The following QTMAN variants were observed in gnomAD, a reference collection of about 807,000 sequenced individuals.
QTMAN encodes the protein tRNA-queuosine alpha-mannosyltransferase.
chr2:144,141,873 C>T, the QTMAN span: 1 of 1,583,482 alleles, frequency 6.3e-7, no homozygotes, highest in Non-Finnish European at 8.6e-7. Flanking sequence ...CAGAGTCAAA[C>T]ATACTGACCT....
chr2:144,104,299 C>A, the QTMAN span, among the ~76,000 whole-genome samples: 2 of 152,182 alleles, frequency 1.3e-5, no homozygotes, highest in African/African-American at 4.8e-5. Flanking sequence ...TGAGCCGAAG[C>A]AGGGCGAGGC....
the QTMAN span, among the ~76,000 whole-genome samples, chr2:144,114,496 T>C: frequency 4.6e-5 from 7 of 152,230 alleles, no homozygotes; most frequent in Non-Finnish European, 1.5e-5. Context: ...CAATATAAAC[T>C]GTAATTTAAT....
the QTMAN span, among the ~76,000 whole-genome samples, chr2:144,285,125 G>GA: frequency 2.0e-4 from 29 of 144,242 alleles, no homozygotes; most frequent in South Asian, 2.2e-4. Flanking sequence ...GAAAACAAAG[G>GA]AAAAAAAAAA....
the QTMAN span, among the ~76,000 whole-genome samples, chr2:144,116,283 T>A: frequency 8.2e-4 from 93 of 113,606 alleles, 1 homozygote; most frequent in Middle Eastern, 4.5e-3. Flanking sequence ...TATGAGATTT[T>A]TATGTGTGTG....
chr2:144,133,442 A>T, the QTMAN span, among the ~76,000 whole-genome samples: 1 of 59,822 alleles, frequency 1.7e-5, no homozygotes, highest in Non-Finnish European at 2.6e-5. Context: ...TATAATATAT[A>T]ATATATAATA....
At chr2:144,286,219 A>C in the QTMAN span, among the ~76,000 whole-genome samples, 3 of 152,200 alleles carry the variant, frequency 2.0e-5, no homozygotes, top group African/African-American at 7.2e-5. Context: ...TGTAGCAAAA[A>C]CAAATTATGC....
At chr2:144,090,962 A>C in the QTMAN span, among the ~76,000 whole-genome samples, 1 of 152,086 alleles carries the variant, frequency 6.6e-6, no homozygotes, top group Admixed American at 6.5e-5. Flanking sequence ...TAACTAGAAT[A>C]ATCATCATCA....
the QTMAN span, among the ~76,000 whole-genome samples, chr2:144,033,782 T>G: frequency 6.6e-6 from 1 of 152,142 alleles, no homozygotes; most frequent in East Asian, 1.9e-4. Flanking sequence ...TCAGGTGTGG[T>G]TGAAAGAGAC....
chr2:143,967,045 A>C, the QTMAN span, among the ~76,000 whole-genome samples: 3 of 152,172 alleles, frequency 2.0e-5, no homozygotes, highest in African/African-American at 7.2e-5. Flanking sequence ...TGTATGTGAA[A>C]GAGAAATGCT....
At chr2:144,014,976 C>T in the QTMAN span, among the ~76,000 whole-genome samples, 8 of 152,136 alleles carry the variant, frequency 5.3e-5, no homozygotes, top group Admixed American at 5.2e-4. Context: ...TGCCTAAATT[C>T]CCCATTCTCT....
chr2:143,990,096 A>T, the QTMAN span, among the ~76,000 whole-genome samples: 2 of 151,900 alleles, frequency 1.3e-5, no homozygotes, highest in African/African-American at 4.8e-5. Context: ...GTTACGCACC[A>T]CTGTCCTATA....
the QTMAN span, chr2:143,941,248 G>A: frequency 1.3e-5 from 2 of 152,230 alleles, no homozygotes; most frequent in African/African-American, 4.8e-5. Flanking sequence ...AGGAGGGCCA[G>A]GGAAGTTACC....
At chr2:144,250,247 G>A in the QTMAN span, among the ~76,000 whole-genome samples, 136 of 151,824 alleles carry the variant, frequency 9.0e-4, no homozygotes, top group African/African-American at 3.0e-3. Context: ...AGGTTCCAGC[G>A]ATTCTCCTGC....
chr2:144,146,426 G>A, the QTMAN span, among the ~76,000 whole-genome samples: 1 of 151,072 alleles, frequency 6.6e-6, no homozygotes, highest in Admixed American at 6.6e-5. Flanking sequence ...ATTTTTAAGG[G>A]AAAAAGGGAA....
the QTMAN span, among the ~76,000 whole-genome samples, chr2:144,162,268 G>A: frequency 3.9e-5 from 6 of 152,120 alleles, no homozygotes; most frequent in East Asian, 1.9e-4. Context: ...ATACTTCAAA[G>A]GAAACAGTAC....
At chr2:144,066,046 T>C in the QTMAN span, among the ~76,000 whole-genome samples, 1 of 152,196 alleles carries the variant, frequency 6.6e-6, no homozygotes, top group African/African-American at 2.4e-5. Flanking sequence ...TATTGGGTAA[T>C]GGTAATCTTA....
chr2:144,168,862 T>C, the QTMAN span, among the ~76,000 whole-genome samples: 2 of 152,072 alleles, frequency 1.3e-5, no homozygotes, highest in African/African-American at 2.4e-5. Flanking sequence ...TAGTTATTCA[T>C]CCCTTAGAAT....
the QTMAN span, among the ~76,000 whole-genome samples, chr2:144,045,833 C>G: frequency 2.2e-4 from 34 of 152,248 alleles, no homozygotes; most frequent in East Asian, 6.4e-3. Context: ...AGAGAAGATC[C>G]TTACACTACT....
the QTMAN span, among the ~76,000 whole-genome samples, chr2:144,314,864 C>T: frequency 2.6e-5 from 4 of 152,146 alleles, no homozygotes; most frequent in African/African-American, 9.6e-5. Flanking sequence ...AAATTATACT[C>T]CATAAAGTTA....
Sources: gnomAD v4.1 joint callset for allele counts (sites outside exome capture counted in the v4.1 genomes callset) on GRCh38, gnomAD v4.1.1 for gene constraint, MANE v1.5 for transcripts, NCBI Gene and HGNC (gene_info 2026-07-23, HGNC 2026-07-21) for gene names.